KLC1: variants seen among roughly 807,000 people sequenced by gnomAD.
The protein encoded by KLC1 is kinesin light chain 1.
In KLC1, 30 loss-of-function variants were observed where a neutral mutation model predicts 84.2. The ratio of observed to expected loss-of-function variants is 0.36; its 90% CI spans 0.27 to 0.48. The LOEUF (loss-of-function observed/expected upper bound fraction) is 0.48, where lower values mean the gene tolerates loss of function less well. KLC1 is among the 20% of genes least tolerant of loss of function. KLC1 has a pLI of 0.99. For synonymous variants in KLC1, 289 were observed against 293.3 expected, an observed-to-expected ratio of 0.99 and a Z score of 0.15; for missense variants, 499 against 805.4, an observed-to-expected ratio of 0.62 and a Z score of 4.60.
intron 12 of KLC1, 136 bp downstream of exon 12, chr14:103,677,659 T>C: frequency 3.0e-6 from 2 of 663,842 alleles, no homozygotes; most frequent in South Asian, 3.6e-5. Context: ...TAAAGTTATA[T>C]TGTTTAAAAG....
chr14:103,675,125 C>T (rs909624376), intron 9 of KLC1, among the ~76,000 whole-genome samples: 8 of 152,112 alleles, frequency 5.3e-5, no homozygotes, highest in Admixed American at 2.0e-4. Context: ...TCAGGAGTGA[C>T]CAGCCTGGCC....
At chr14:103,643,117 T>G (rs1027783783) in intron 1 of KLC1, among the ~76,000 whole-genome samples, 3 of 152,126 alleles carry the variant, frequency 2.0e-5, no homozygotes, top group African/African-American at 7.2e-5. Flanking sequence ...ACCTAAAGTA[T>G]AAAACAAATA....
intron 1 of KLC1, among the ~76,000 whole-genome samples, chr14:103,641,428 C>G (rs1798095756): frequency 6.6e-6 from 1 of 152,102 alleles, no homozygotes; most frequent in African/African-American, 2.4e-5. Context: ...AGGCTAGTGA[C>G]TCACGAACAA....
chr14:103,639,341 G>A (rs1345943075), intron 1 of KLC1, among the ~76,000 whole-genome samples: 1 of 152,002 alleles, frequency 6.6e-6, no homozygotes, highest in African/African-American at 2.4e-5. Flanking sequence ...ATGTTGGCCA[G>A]GCTGGTCTTG....
chr14:103,700,489 G>A (rs1567050335), intron 15 of KLC1, 166 bp from the exon 16 acceptor site: 24 of 557,060 alleles, frequency 4.3e-5, no homozygotes, highest in Admixed American at 3.5e-5. Context: ...CAGGCCCCAC[G>A]GGCCTTGCCA....
At chr14:103,640,652 G>A (rs985366778) in intron 1 of KLC1, among the ~76,000 whole-genome samples, 15 of 152,020 alleles carry the variant, frequency 9.9e-5, no homozygotes, top group African/African-American at 3.4e-4. Context: ...GAGCCACCGC[G>A]CCCGGCCCTG....
chr14:103,686,137 G>C, intron 13 of KLC1: 1 of 989,140 alleles, frequency 1.0e-6, no homozygotes, highest in Non-Finnish European at 1.2e-6. Context: ...GTGAAATTTG[G>C]GCATTCTGCT....
rs1011676035 is a variant in KLC1, at chr14:103,695,967, C to T, written c.1848+3542C>T. 9.1e-6 allele frequency: 9 copies of T among 985,270 alleles called. No homozygotes were observed. The South Asian group carries it at 1.4e-4, about 15-fold the overall frequency. The allele number at this position is 985,270 out of a possible 1,614,324, so 61.0% of individuals were successfully genotyped here. On this transcript the variant is annotated intron_variant, in intron 15 of 16. Coordinates refer to ENST00000334553, the MANE Select transcript of KLC1 (RefSeq NM_001394837.1). ...TCCCATCTGGCGGTCTGAATTTTTC[C>T]CTTCAGAGGAGAGAAGTGGTGGGCC...
intron 1 of KLC1, among the ~76,000 whole-genome samples, chr14:103,636,125 T>G (rs1011213535): frequency 6.6e-6 from 1 of 152,178 alleles, no homozygotes; most frequent in Non-Finnish European, 1.5e-5. Context: ...GCGCTGAGAC[T>G]GTAGCCCCCA....
intron 1 of KLC1, among the ~76,000 whole-genome samples, chr14:103,644,039 C>T (rs2077699762): frequency 6.6e-6 from 1 of 151,750 alleles, no homozygotes; most frequent in Non-Finnish European, 1.5e-5. Flanking sequence ...CATGGTGAAA[C>T]CCCATCTCTA....
At chr14:103,647,725 A>G (rs1471664884) in intron 1 of KLC1, among the ~76,000 whole-genome samples, 1 of 151,470 alleles carries the variant, frequency 6.6e-6, no homozygotes, top group Non-Finnish European at 1.5e-5. Context: ...AAAATACAAA[A>G]ATTAGCTGAG....
intron 1 of KLC1, among the ~76,000 whole-genome samples, chr14:103,644,900 G>A (rs1390708801): frequency 6.6e-6 from 1 of 151,882 alleles, no homozygotes; most frequent in Non-Finnish European, 1.5e-5. Flanking sequence ...ACTCTTTTGG[G>A]GCTGGCCAGA....
At chr14:103,637,422 T>C (rs904509209) in intron 1 of KLC1, among the ~76,000 whole-genome samples, 4 of 151,696 alleles carry the variant, frequency 2.6e-5, no homozygotes, top group Admixed American at 2.6e-4. Flanking sequence ...CCCAGCTACT[T>C]GGGAGGCTGA....
intron 12 of KLC1, among the ~76,000 whole-genome samples, chr14:103,677,773 A>G (rs1440729850): frequency 7.0e-6 from 1 of 143,090 alleles, no homozygotes; most frequent in African/African-American, 2.6e-5. Context: ...AGCCTGGCCA[A>G]CATGGTGAAA....
chr14:103,651,036 G>T (rs544558425), intron 1 of KLC1, among the ~76,000 whole-genome samples: 1 of 151,904 alleles, frequency 6.6e-6, no homozygotes, highest in African/African-American at 2.4e-5. Context: ...TAGTGATGGA[G>T]TCTTGCTCTG....
Position 103,654,575 on chromosome 14 carries a change from A to G in KLC1, c.11A>G (p.Asn4Ser), listed in dbSNP as rs766926314. The change falls in exon 2 of 17, where the codon AAC becomes AGC. Residue 4 changes from asparagine (N) to serine (S), a missense_variant. Around this residue, in one of 3 missense-constraint regions of KLC1, gnomAD observed 179 missense variants for 264.2 expected, o/e 0.68. Coordinates refer to ENST00000334553, the MANE Select transcript of KLC1 (RefSeq NM_001394837.1). MYD[N>S]MSTMVYIKED... ...TTTTTTCATTCCAGAATGTATGACA[A>G]CATGTCCACAATGGTGTACATAAAG... 1.2e-5 allele frequency: 19 copies of G among 1,605,240 alleles called. No homozygotes were observed. In the East Asian group the frequency reaches 1.3e-4, roughly 11 times the overall value.
intron 14 of KLC1, among the ~76,000 whole-genome samples, chr14:103,689,285 TCA>T (rs1315697383): frequency 1.3e-5 from 2 of 152,210 alleles, no homozygotes; most frequent in Non-Finnish European, 2.9e-5. Flanking sequence ...ATGACAGCTC[TCA>T]GAGTTGTTCT....
intron 1 of KLC1, among the ~76,000 whole-genome samples, chr14:103,640,484 C>T (rs934557294): frequency 6.6e-6 from 1 of 152,108 alleles, no homozygotes; most frequent in Non-Finnish European, 1.5e-5. Flanking sequence ...CCTCAGCCTC[C>T]TGAGTAGCTG....
At chr14:103,655,629 G>C (rs906243100) in intron 2 of KLC1, among the ~76,000 whole-genome samples, 1 of 146,036 alleles carries the variant, frequency 6.8e-6, no homozygotes, top group Non-Finnish European at 1.5e-5. Flanking sequence ...ATTTTTTTGA[G>C]ACAGTGTTTG....
Sources: gnomAD v4.1 joint callset for allele counts (sites outside exome capture counted in the v4.1 genomes callset) on GRCh38, gnomAD v4.1.1 for gene constraint, gnomAD v4.1.1 regional missense constraint, MANE v1.5 for transcripts, NCBI Gene and HGNC (gene_info 2026-07-23, HGNC 2026-07-21) for gene names.